IMMP2L: variants seen among roughly 807,000 people sequenced by gnomAD.
The protein encoded by IMMP2L is inner mitochondrial membrane peptidase subunit 2.
IMMP2L carries 18 observed loss-of-function variants against 19.3 expected under a neutral mutation model. The observed-to-expected ratio is 0.93, with a 90% confidence interval of 0.64 to 1.38. The LOEUF is 1.38. IMMP2L is among the 40% of genes most tolerant of loss of function. The pLI is 0.00. For missense variants in IMMP2L, 233 were observed against 218.2 expected, an observed-to-expected ratio of 1.07 and a Z score of -0.43; for synonymous variants, 76 against 73.0, an observed-to-expected ratio of 1.04 and a Z score of -0.21.
chr7:111,469,810 A>G (rs1207117289), intron 3 of IMMP2L, among the ~76,000 whole-genome samples: 2 of 152,164 alleles, frequency 1.3e-5, no homozygotes, highest in Non-Finnish European at 2.9e-5. Context: ...GGACATAGGC[A>G]TGGGCAAGGA....
chr7:110,839,480 T>A (rs762688202), intron 5 of IMMP2L, among the ~76,000 whole-genome samples: 17 of 152,080 alleles, frequency 1.1e-4, no homozygotes, highest in Non-Finnish European at 2.5e-4. Context: ...CAAGAGAATG[T>A]TGAGTATGTA....
At chr7:111,070,889 A>G (rs1794896132) in intron 3 of IMMP2L, among the ~76,000 whole-genome samples, 1 of 152,194 alleles carries the variant, frequency 6.6e-6, no homozygotes, top group Non-Finnish European at 1.5e-5. Context: ...ACTATTATTA[A>G]TTCAAGTCTC....
At chr7:111,559,953 C>T (rs1174136761) in intron 1 of IMMP2L, among the ~76,000 whole-genome samples, 1 of 150,932 alleles carries the variant, frequency 6.6e-6, no homozygotes, top group Non-Finnish European at 1.5e-5. Flanking sequence ...TGGTAAATAG[C>T]CAAGAAGAAG....
chr7:110,911,113 T>G lies in IMMP2L; in HGVS notation c.306-24418A>C, dbSNP rs28624586. Among the ~76,000 whole-genome samples the G allele has an allele frequency of 9.8e-3, 1,499 of 152,282 alleles. 22 individuals carry two copies. The highest frequency in any genetic ancestry group is 0.033 in the African/African-American group (1,385 of 41,572). ...GTGTATTTTTGAATGCTTTTCTACT[T>G]TTTAAACAAATGATAAAGATGAACA... On this transcript the variant is annotated intron_variant, in intron 4 of 5. Transcript: ENST00000405709.
chr7:110,676,318 C>T (rs1183559077), intron 5 of IMMP2L, among the ~76,000 whole-genome samples: 1 of 152,228 alleles, frequency 6.6e-6, no homozygotes, highest in Admixed American at 6.5e-5. Context: ...ACAAAACAGG[C>T]ATGGACAATA....
intron 3 of IMMP2L, among the ~76,000 whole-genome samples, chr7:111,257,226 T>TA: frequency 6.6e-6 from 1 of 152,236 alleles, no homozygotes; most frequent in East Asian, 1.9e-4. Context: ...GCCATCTTAA[T>TA]AAAAATGAAT....
chr7:111,390,438 G>C (rs576422639), intron 3 of IMMP2L: 3 of 152,112 alleles, frequency 2.0e-5, no homozygotes, highest in African/African-American at 7.2e-5. Context: ...GACCTCTTTT[G>C]TGACTTGACA....
chr7:110,817,398 C>G (rs79737550), intron 5 of IMMP2L, among the ~76,000 whole-genome samples: 313 of 152,166 alleles, frequency 2.1e-3, no homozygotes, highest in Non-Finnish European at 2.1e-3. Context: ...AGGAATCCAA[C>G]TTACAAGGGA....
intron 3 of IMMP2L, among the ~76,000 whole-genome samples, chr7:111,030,990 A>G (rs950156389): frequency 6.7e-6 from 1 of 149,322 alleles, no homozygotes; most frequent in African/African-American, 2.5e-5. Flanking sequence ...CAGATTTCTC[A>G]CTGTTAGAGT....
intron 3 of IMMP2L, among the ~76,000 whole-genome samples, chr7:111,355,323 AT>A (rs1828590085): frequency 6.6e-6 from 1 of 151,796 alleles, no homozygotes; most frequent in Admixed American, 6.6e-5. Flanking sequence ...TTGGTGAAAT[AT>A]TTTTCTTATA....
At chr7:111,392,561 C>T (rs957982105) in intron 3 of IMMP2L, among the ~76,000 whole-genome samples, 8 of 152,002 alleles carry the variant, frequency 5.3e-5, no homozygotes, top group Non-Finnish European at 1.2e-4. Context: ...AGTGTTTTTC[C>T]TTCTAACACC....
At chr7:111,012,587 T>A (rs1825082819) in intron 3 of IMMP2L, among the ~76,000 whole-genome samples, 1 of 152,170 alleles carries the variant, frequency 6.6e-6, no homozygotes, top group South Asian at 2.1e-4. Flanking sequence ...AAACCAACCT[T>A]AACAGAAATT....
intron 3 of IMMP2L, among the ~76,000 whole-genome samples, chr7:111,309,302 T>C (rs564075760): frequency 1.3e-5 from 2 of 152,224 alleles, no homozygotes; most frequent in East Asian, 1.9e-4. Context: ...GTGAAGATGA[T>C]TGCAAGAAAT....
intron 5 of IMMP2L, among the ~76,000 whole-genome samples, chr7:110,802,852 T>C (rs1801358283): frequency 6.6e-6 from 1 of 152,054 alleles, no homozygotes; most frequent in South Asian, 2.1e-4. Context: ...TATGGGCACA[T>C]AGTGCAATGG....
intron 3 of IMMP2L, among the ~76,000 whole-genome samples, chr7:111,194,379 ATCTT>A (rs1314407180): frequency 6.6e-6 from 1 of 152,180 alleles, no homozygotes; most frequent in East Asian, 1.9e-4. Flanking sequence ...ACACTCATTT[ATCTT>A]GCCTAAGGAG....
At chr7:111,470,684 T>C (rs1028113547) in intron 3 of IMMP2L, among the ~76,000 whole-genome samples, 1 of 119,944 alleles carries the variant, frequency 8.3e-6, no homozygotes, top group Non-Finnish European at 1.6e-5. Flanking sequence ...TGAGAACACA[T>C]GGACACAGGA....
intron 5 of IMMP2L, among the ~76,000 whole-genome samples, chr7:110,674,965 A>G (rs1484133830): frequency 6.6e-6 from 1 of 152,200 alleles, no homozygotes; most frequent in Non-Finnish European, 1.5e-5. Flanking sequence ...AGTCCCTCCC[A>G]GCCAGTCCAA....
chr7:111,120,535 G>A (rs1306118312), intron 3 of IMMP2L, among the ~76,000 whole-genome samples: 5 of 152,130 alleles, frequency 3.3e-5, no homozygotes, highest in African/African-American at 1.2e-4. Flanking sequence ...TGAGATTTGG[G>A]CGGGGACACA....
In IMMP2L at chr7:111,476,477, C is replaced by T. The variant is rs182554653; in HGVS notation, c.239+10761G>A. On this transcript the variant is annotated intron_variant, in intron 3 of 5. Coordinates refer to ENST00000405709, the MANE Select transcript of IMMP2L (RefSeq NM_032549.4). ...CTGTAACAAATTACAGCAAATTTGG[C>T]GGTTTAAAATAACATTTGTTTATTA... is the stretch of plus-strand genomic sequence containing the variant. Among the ~76,000 whole-genome samples, 19 of 152,164 alleles carry T rather than the reference C, an allele frequency of 1.2e-4. No homozygotes were observed. The East Asian group carries it at 2.7e-3, about 22-fold the overall frequency.
Sources: allele counts gnomAD v4.1 joint callset (sites outside exome capture counted in the v4.1 genomes callset), GRCh38; gene constraint gnomAD v4.1.1; transcripts MANE v1.5; gene names NCBI Gene and HGNC (gene_info 2026-07-23, HGNC 2026-07-21).